The following DLG2 variants were observed in gnomAD, a reference collection of about 807,000 sequenced individuals.
The protein encoded by DLG2 is disks large homolog 2.
DLG2 carries 45 observed loss-of-function variants against 132.5 expected under a neutral mutation model. The ratio of observed to expected loss-of-function variants is 0.34; its 90% CI spans 0.27 to 0.44. DLG2 has a LOEUF of 0.44. Among genes scored for constraint, DLG2 ranks in the 20% least tolerant of loss-of-function variants. The probability of loss-of-function intolerance (pLI) is 1.00; values close to 1 mark genes in which losing one functional copy is unlikely to be tolerated. For missense variants in DLG2, 1,045 were observed against 1,196.9 expected (o/e 0.87, Z 1.87); for synonymous variants, 424 against 419.6 (o/e 1.01, Z -0.13).
chr11:84,933,986 G>C (rs549477520), intron 6 of DLG2, among the ~76,000 whole-genome samples: 32 of 152,278 alleles, frequency 2.1e-4, no homozygotes, highest in African/African-American at 7.7e-4. Context: ...TCAGTACGAT[G>C]TTGGTTGTCG....
At chr11:83,803,067 G>C (rs573277791) in intron 17 of DLG2, among the ~76,000 whole-genome samples, 25 of 151,988 alleles carry the variant, frequency 1.6e-4, no homozygotes, top group African/African-American at 6.0e-4. Context: ...AGGCAAAAGG[G>C]GTTATGTAGG....
At chr11:84,588,562 T>A (rs1291421142) in intron 6 of DLG2, among the ~76,000 whole-genome samples, 1 of 152,150 alleles carries the variant, frequency 6.6e-6, no homozygotes, top group Non-Finnish European at 1.5e-5. Flanking sequence ...CAGAGGCATT[T>A]GAACCAGAGC....
At chr11:83,967,929 A>C (rs1474843386) in intron 12 of DLG2, among the ~76,000 whole-genome samples, 1 of 152,120 alleles carries the variant, frequency 6.6e-6, no homozygotes, top group Non-Finnish European at 1.5e-5. Flanking sequence ...ATTCTTTTGC[A>C]TGTGGAGATT....
chr11:85,294,692 A>T (rs1297252306), intron 3 of DLG2, among the ~76,000 whole-genome samples: 2 of 152,188 alleles, frequency 1.3e-5, no homozygotes, highest in Admixed American at 1.3e-4. Context: ...ACTGTGTACC[A>T]GGCAGTCTCA....
At chr11:85,464,826 G>A (rs540491086) in intron 3 of DLG2, among the ~76,000 whole-genome samples, 1 of 151,872 alleles carries the variant, frequency 6.6e-6, no homozygotes, top group East Asian at 1.9e-4. Flanking sequence ...TGTAATTCCA[G>A]CACTTTGGGA....
At chr11:85,085,785 C>A (rs2067844632) in intron 6 of DLG2, among the ~76,000 whole-genome samples, 1 of 152,120 alleles carries the variant, frequency 6.6e-6, no homozygotes, top group Non-Finnish European at 1.5e-5. Context: ...GGTATTTGAA[C>A]TGTGACTCCA....
intron 6 of DLG2, among the ~76,000 whole-genome samples, chr11:85,049,472 T>C (rs1399871980): frequency 1.4e-5 from 2 of 145,670 alleles, no homozygotes; most frequent in East Asian, 3.9e-4. Context: ...TGAACATTAT[T>C]GACATTTTAT....
At chr11:85,278,429 C>T (rs746483378) in intron 4 of DLG2, among the ~76,000 whole-genome samples, 1 of 152,026 alleles carries the variant, frequency 6.6e-6, no homozygotes, top group Non-Finnish European at 1.5e-5. Flanking sequence ...TGGTGAAACC[C>T]GTCTGTACTA....
intron 7 of DLG2, among the ~76,000 whole-genome samples, chr11:84,255,618 C>T (rs951112568): frequency 5.9e-5 from 9 of 152,104 alleles, no homozygotes; most frequent in East Asian, 1.9e-4. Flanking sequence ...CCACCACGTC[C>T]GGCCATACAC....
At chr11:84,097,881 C>T (rs1413681146) in intron 10 of DLG2, among the ~76,000 whole-genome samples, 4 of 151,964 alleles carry the variant, frequency 2.6e-5, no homozygotes, top group Non-Finnish European at 4.4e-5. Flanking sequence ...GTTTTGATCC[C>T]ATAGCATTTT....
chr11:84,600,159 GGAAAGAAA>G (rs1181993623), intron 6 of DLG2, among the ~76,000 whole-genome samples: 3,619 of 96,024 alleles, frequency 0.038, 88 homozygotes, highest in Middle Eastern at 0.051. Flanking sequence ...AAAGAAAGAA[GGAAAGAAA>G]GAAAGAAAGA....
intron 9 of DLG2, among the ~76,000 whole-genome samples, chr11:84,111,239 C>A (rs1007921979): frequency 6.6e-6 from 1 of 152,180 alleles, no homozygotes; most frequent in Non-Finnish European, 1.5e-5. Context: ...GAACTATTTC[C>A]TATTCTGCAA....
At chr11:85,416,137 C>T (rs571407891) in intron 3 of DLG2, among the ~76,000 whole-genome samples, 3 of 152,266 alleles carry the variant, frequency 2.0e-5, no homozygotes, top group East Asian at 1.9e-4. Flanking sequence ...GAATCCTTTC[C>T]CCATTGGTTG....
chr11:84,513,336 C>T lies in DLG2; in HGVS notation c.519+21234G>A, dbSNP rs2099262699. Among the ~76,000 whole-genome samples, 3 of 151,726 alleles carry T rather than the reference C, an allele frequency of 2.0e-5. No individual in the cohort carries two copies. The South Asian group carries it at 6.2e-4, about 32-fold the overall frequency. On this transcript the variant is annotated intron_variant, in intron 7 of 27. Coordinates refer to ENST00000376104, the MANE Select transcript of DLG2 (RefSeq NM_001142699.3). ...TTCACAGAAATAGAAAAAAGACAAT[C>T]CTAAAATTTAAACAGAATCACAAAA...
chr11:84,559,576 C>A (rs1007765550), intron 6 of DLG2, among the ~76,000 whole-genome samples: 1 of 151,968 alleles, frequency 6.6e-6, no homozygotes, highest in Non-Finnish European at 1.5e-5. Flanking sequence ...ATATTGATTT[C>A]TTTTAAAAGC....
intron 3 of DLG2, among the ~76,000 whole-genome samples, chr11:85,466,690 G>C (rs1026797443): frequency 5.9e-4 from 90 of 152,212 alleles, no homozygotes; most frequent in Admixed American, 1.1e-3. Flanking sequence ...GGTACCAGTA[G>C]CATGCTGTTT....
Position 85,109,827 on chromosome 11 carries a change from T to C in DLG2, c.357+1834A>G, listed in dbSNP as rs532829215. ...AAAATTTCTGAAAACACACGTTCTA[T>C]GGTATTCTCTTAGGAGAAAAGTGTT... On this transcript the variant is annotated intron_variant, in intron 6 of 27. Transcript: ENST00000376104. Among the ~76,000 whole-genome samples the C allele has an allele frequency of 7.9e-5, 12 of 152,232 alleles. No homozygotes were observed. The East Asian group carries it at 2.3e-3, about 29-fold the overall frequency.
chr11:84,135,088 T>C (rs2094554965), intron 9 of DLG2, among the ~76,000 whole-genome samples: 1 of 152,170 alleles, frequency 6.6e-6, no homozygotes, highest in African/African-American at 2.4e-5. Context: ...TTTACCCCAC[T>C]AAAATATAAG....
Position 83,624,298 on chromosome 11 carries a change from C to A in DLG2, c.1940+8913G>T, listed in dbSNP as rs181635457. ...AGTCACTTATGATACTTTTGTTCCTCTTCCTACAGAAATATAAAAATTAAA... is the reference window on the plus strand; with the variant it reads ...AGTCACTTATGATACTTTTGTTCCTATTCCTACAGAAATATAAAAATTAAA... On this transcript the variant is annotated intron_variant, in intron 19 of 27. Transcript: ENST00000376104. Among the ~76,000 whole-genome samples, 40 of 152,250 alleles carry A rather than the reference C, an allele frequency of 2.6e-4. 1 individual carries two copies. Among genetic ancestry groups the A allele is most frequent in the Middle Eastern group, 6.8e-3 (2 of 294 alleles).
Sources: allele counts gnomAD v4.1 joint callset (sites outside exome capture counted in the v4.1 genomes callset), GRCh38; gene constraint gnomAD v4.1.1; transcripts MANE v1.5; gene names NCBI Gene and HGNC (gene_info 2026-07-23, HGNC 2026-07-21).